CADPS2: variants seen among roughly 807,000 people sequenced by gnomAD.
CADPS2 encodes calcium dependent secretion activator 2.
A neutral mutation model predicts 172.5 loss-of-function variants in CADPS2; 93 were observed. The observed-to-expected ratio is 0.54, with a 90% CI of 0.46 to 0.64. The LOEUF (loss-of-function observed/expected upper bound fraction) is 0.64. CADPS2 is among the 30% of genes least tolerant of loss of function. The pLI is 0.00. For missense variants in CADPS2, 1,420 were observed against 1,565.9 expected (o/e 0.91, Z 1.57); for synonymous variants, 546 against 555.2 (o/e 0.98, Z 0.23).
intron 2 of CADPS2, among the ~76,000 whole-genome samples, chr7:122,724,906 T>C (rs1347410836): frequency 6.6e-6 from 1 of 152,044 alleles, no homozygotes; most frequent in Admixed American, 6.6e-5. Flanking sequence ...TGCATAAAAA[T>C]AAGTCCATAC....
chr7:122,827,416 G>GGAGGTTGAGGTGGGCGGATCAACT (rs55648500), intron 1 of CADPS2, among the ~76,000 whole-genome samples: 126,271 of 151,516 alleles, frequency 0.83, 53,328 homozygotes, highest in African/African-American at 0.95. Flanking sequence ...CAGCACTTTG[G>GGAGGTTGAGGTGGGCGGATCAACT]GAGGTTGGGA....
At chr7:122,682,949 C>A (rs751715386) in intron 2 of CADPS2, among the ~76,000 whole-genome samples, 26 of 152,226 alleles carry the variant, frequency 1.7e-4, no homozygotes, top group Non-Finnish European at 3.5e-4. Context: ...ATTGTAGAGA[C>A]TGGAACAAAC....
At position 122,597,913 on chromosome 7, in the gene CADPS2, A is replaced by ATT. The variant is rs35489038; in HGVS notation, c.1224-16625_1224-16624dup. 7.6e-3 allele frequency among the ~76,000 whole-genome samples: 1,121 copies of ATT among 147,494 alleles called. 6 individuals are homozygous for ATT. Among genetic ancestry groups the ATT allele is most frequent in the Middle Eastern group, 0.014 (4 of 282 alleles). On this transcript the variant is annotated intron_variant, in intron 6 of 29. Coordinates refer to ENST00000449022, the MANE Select transcript of CADPS2 (RefSeq NM_017954.11). The stretch of plus-strand genomic sequence containing the variant: ...AAGGCAGACTTGGCATCTTTTTAAC[A>ATT]TTTTTTTTTTTTGAAACAAGAATAA...
At position 122,536,938 on chromosome 7, in the gene CADPS2, CAT is replaced by C. The variant is rs577250909; in HGVS notation, c.1475+17610_1475+17611del. 1.3e-3 allele frequency among the ~76,000 whole-genome samples: 202 copies of C among 152,132 alleles called. 1 individual carries two copies. The highest frequency in any genetic ancestry group is 4.1e-3 in the African/African-American group (169 of 41,550). ...GGGAAGCTGATATCTGAAAATACCA[CAT>C]GTTTTCACTTATAAGCGGGAGATAA... On this transcript the variant is annotated intron_variant, in intron 8 of 29. Transcript: ENST00000449022.
At chr7:122,742,044 G>C (rs1182710895) in intron 1 of CADPS2, among the ~76,000 whole-genome samples, 2 of 152,066 alleles carry the variant, frequency 1.3e-5, no homozygotes, top group Non-Finnish European at 2.9e-5. Context: ...GGATGCAATG[G>C]ATCATAAGTT....
chr7:122,551,963 T>C (rs1011981866), intron 8 of CADPS2, among the ~76,000 whole-genome samples: 2 of 152,138 alleles, frequency 1.3e-5, no homozygotes, highest in Non-Finnish European at 2.9e-5. Flanking sequence ...AAGACGAATA[T>C]AGCTATGCTG....
intron 12 of CADPS2, among the ~76,000 whole-genome samples, chr7:122,477,037 GGAGAGGAGAGA>G (rs2056733740): frequency 1.3e-5 from 1 of 78,950 alleles, no homozygotes; most frequent in Non-Finnish European, 2.2e-5. Context: ...GGAGAGGAGA[GGAGAGGAGAGA>G]GAGAAGAGAG....
intron 1 of CADPS2, among the ~76,000 whole-genome samples, chr7:122,744,069 T>C (rs2092615750): frequency 1.3e-5 from 2 of 152,208 alleles, no homozygotes; most frequent in African/African-American, 2.4e-5. Flanking sequence ...ATAGACATGG[T>C]CAAATGACCA....
chr7:122,488,914 CTA>C (rs1347504787), intron 11 of CADPS2, among the ~76,000 whole-genome samples: 1 of 152,134 alleles, frequency 6.6e-6, no homozygotes, highest in Non-Finnish European at 1.5e-5. Flanking sequence ...GTGCCATACT[CTA>C]TGTGTATTAC....
intron 1 of CADPS2, among the ~76,000 whole-genome samples, chr7:122,836,186 A>T (rs556925193): frequency 4.6e-5 from 7 of 152,214 alleles, no homozygotes; most frequent in Non-Finnish European, 7.3e-5. Flanking sequence ...ACTAAGCTTC[A>T]TAAGTGAAGG....
At chr7:122,562,459 A>G (rs1345408930) in intron 7 of CADPS2, among the ~76,000 whole-genome samples, 2 of 152,150 alleles carry the variant, frequency 1.3e-5, no homozygotes, top group Non-Finnish European at 2.9e-5. Flanking sequence ...CAACAAACAG[A>G]TTATCCTCTA....
At chr7:122,686,085 C>CTG (rs1361504840) in intron 2 of CADPS2, among the ~76,000 whole-genome samples, 1 of 152,160 alleles carries the variant, frequency 6.6e-6, no homozygotes, top group Non-Finnish European at 1.5e-5. Context: ...ATATTGATAT[C>CTG]AGATCTTTAG....
intron 2 of CADPS2, among the ~76,000 whole-genome samples, chr7:122,708,944 A>G (rs376246476): frequency 2.2e-4 from 34 of 152,142 alleles, no homozygotes; most frequent in African/African-American, 8.2e-4. Flanking sequence ...TGGCCGTAGT[A>G]TAATTATTAT....
chr7:122,568,996 C>T lies in CADPS2; in HGVS notation c.1335+12183G>A, dbSNP rs969131824. Among the ~76,000 whole-genome samples, 4 of 152,242 alleles carry T rather than the reference C, an allele frequency of 2.6e-5. 1 individual carries two copies. In the South Asian group the frequency reaches 8.3e-4, roughly 32 times the overall value. On this transcript the variant is annotated intron_variant, in intron 7 of 29. Transcript: ENST00000449022. ...AAGACAGGGATGCCCTCTCTCACCA[C>T]TCCTATTCAACATAGTGTTGGAAGT...
At chr7:122,796,884 A>C (rs1220936035) in intron 1 of CADPS2, among the ~76,000 whole-genome samples, 1 of 152,180 alleles carries the variant, frequency 6.6e-6, no homozygotes, top group Non-Finnish European at 1.5e-5. Flanking sequence ...TAACTCAACT[A>C]AACAGCCTCT....
intron 6 of CADPS2, among the ~76,000 whole-genome samples, chr7:122,597,411 C>T (rs2071994416): frequency 6.6e-6 from 1 of 152,000 alleles, no homozygotes; most frequent in Non-Finnish European, 1.5e-5. Context: ...GTATGTGTCC[C>T]CCTACAGTGT....
chr7:122,597,425 T>C (rs1399835432), intron 6 of CADPS2, among the ~76,000 whole-genome samples: 1 of 152,078 alleles, frequency 6.6e-6, no homozygotes, highest in Non-Finnish European at 1.5e-5. Flanking sequence ...ACAGTGTACA[T>C]GTTGAAATCC....
At chr7:122,505,421 C>A (rs1276760250) in intron 9 of CADPS2, among the ~76,000 whole-genome samples, 1 of 152,134 alleles carries the variant, frequency 6.6e-6, no homozygotes, top group East Asian at 1.9e-4. Context: ...GAAGGTACAA[C>A]AACAAAAATC....
At chr7:122,469,930 T>C (rs190283055) in intron 14 of CADPS2, among the ~76,000 whole-genome samples, 29 of 152,188 alleles carry the variant, frequency 1.9e-4, no homozygotes, top group African/African-American at 5.1e-4. Flanking sequence ...AATGAGTTAA[T>C]TGAAGTCTTC....
Sources: allele counts gnomAD v4.1 joint callset (sites outside exome capture counted in the v4.1 genomes callset), GRCh38; gene constraint gnomAD v4.1.1; transcripts MANE v1.5; gene names NCBI Gene and HGNC (gene_info 2026-07-23, HGNC 2026-07-21).